SETDB2: variants seen among roughly 807,000 people sequenced by gnomAD.
The protein encoded by SETDB2 is SET domain bifurcated histone lysine methyltransferase 2.
Under a neutral mutation model 82.5 loss-of-function variants are expected in SETDB2, and 56 were observed. The observed-to-expected ratio is 0.68, with a 90% CI of 0.55 to 0.85. SETDB2 has a LOEUF of 0.85. Among genes scored for constraint, SETDB2 ranks in the 40% least tolerant of loss-of-function variants. The pLI is 0.00. For missense variants in SETDB2, 677 were observed against 816.4 expected (o/e 0.83, Z 2.08); for synonymous variants, 272 against 284.9 (o/e 0.95, Z 0.46).
chr13:49,480,361 A>T, intron 7 of SETDB2, 26 bp downstream of exon 7: 1 of 1,433,392 alleles, frequency 7.0e-7, no homozygotes, highest in Admixed American at 2.1e-5. Flanking sequence ...GATTTGTTGC[A>T]GGGTGTGTAT....
rs1187580030 is a variant in SETDB2, at chr13:49,476,846, A to G, written c.676A>G (p.Lys226Glu). The G allele has an allele frequency of 6.2e-7, 1 of 1,614,128 alleles. No individual in the cohort carries two copies. The highest frequency in any genetic ancestry group is 1.7e-5 in the Admixed American group (1 of 60,008). Reference protein sequence around the residue: ...VQLARNYPKQKEVVSDVDISN... With the variant: ...VQLARNYPKQEEVVSDVDISN... ...GTTGGCTCGGAATTACCCAAAGCAAAAAGAAGTTGTTTCTGATGTGGATAT... is the reference window on the plus strand; with the variant it reads ...GTTGGCTCGGAATTACCCAAAGCAAGAAGAAGTTGTTTCTGATGTGGATAT... Residue 226 changes from lysine to glutamate, a missense_variant, in exon 6 of 14, where the codon AAA becomes GAA. By Grantham distance (56) the Lys-to-Glu change is moderately conservative. Coordinates refer to ENST00000611815, the MANE Select transcript of SETDB2 (RefSeq NM_001160308.3).
At chr13:49,490,761 A>G (rs1958695954) in intron 12 of SETDB2, 61 bp from the exon 13 acceptor site, 1 of 1,258,030 alleles carries the variant, frequency 7.9e-7, no homozygotes. Flanking sequence ...TTCTAATGCA[A>G]AAGCACAAGG....
At chr13:49,468,639 T>TTTTTTTTTGAGA in intron 5 of SETDB2, among the ~76,000 whole-genome samples, 1 of 149,354 alleles carries the variant, frequency 6.7e-6, no homozygotes, top group East Asian at 2.0e-4. Context: ...ATTTGTTCTT[T>TTTTTTTTTGAGA]CAGCTTAATA....
chr13:49,463,724 C>T (rs1488324165), intron 4 of SETDB2, among the ~76,000 whole-genome samples: 4 of 151,644 alleles, frequency 2.6e-5, no homozygotes, highest in Admixed American at 6.6e-5. Flanking sequence ...GACCTTCACT[C>T]CACCACTGCT....
chr13:49,459,368 A>G (rs778563048), intron 2 of SETDB2, among the ~76,000 whole-genome samples: 1 of 152,166 alleles, frequency 6.6e-6, no homozygotes, highest in Non-Finnish European at 1.5e-5. Context: ...ACCTTTCTAA[A>G]ATGCAATTAT....
chr13:49,453,168 A>G (rs1298726231), intron 2 of SETDB2, among the ~76,000 whole-genome samples: 5 of 152,098 alleles, frequency 3.3e-5, no homozygotes, highest in African/African-American at 9.7e-5. Context: ...TCAGTTAATC[A>G]TTTATATCAG....
chr13:49,453,488 G>A lies in SETDB2; in HGVS notation c.16+1579G>A, dbSNP rs142731987. Among the ~76,000 whole-genome samples the A allele has an allele frequency of 4.0e-3, 614 of 151,946 alleles. 1 individual carries two copies. The highest frequency in any genetic ancestry group is 6.3e-3 in the Non-Finnish European group (428 of 67,910). ...ATTTTTGTATTTTTAGTAGAGATGG[G>A]GGTTTCACCATATTGGCCAGGCTGG... On this transcript the variant is annotated intron_variant, in intron 2 of 13. Transcript: ENST00000611815.
At chr13:49,482,488 T>C in intron 8 of SETDB2, 1 of 307,734 alleles carries the variant, frequency 3.2e-6, no homozygotes. Flanking sequence ...TAGCTAAATC[T>C]CTTCTCTTTT....
At chr13:49,466,463 C>T (rs1030358123) in intron 4 of SETDB2, among the ~76,000 whole-genome samples, 2 of 151,148 alleles carry the variant, frequency 1.3e-5, no homozygotes, top group Non-Finnish European at 2.9e-5. Context: ...AATGTGGAGT[C>T]TAGTTAATGT....
At chr13:49,458,521 G>A (rs1957934558) in intron 2 of SETDB2, among the ~76,000 whole-genome samples, 2 of 152,044 alleles carry the variant, frequency 1.3e-5, no homozygotes, top group African/African-American at 4.8e-5. Flanking sequence ...TACTCTCCTG[G>A]GTTTCTCTTC....
chr13:49,468,720 CTG>C (rs767040964), intron 5 of SETDB2, among the ~76,000 whole-genome samples: 2 of 151,682 alleles, frequency 1.3e-5, no homozygotes, highest in Non-Finnish European at 2.9e-5. Context: ...TAGATAGACA[CTG>C]TTTCATATAA....
At chr13:49,482,034 C>T (rs1958489295) in intron 8 of SETDB2, 5 of 984,850 alleles carry the variant, frequency 5.1e-6, no homozygotes, top group Non-Finnish European at 4.8e-6. Context: ...TTTACAGATC[C>T]ACATTCTACA....
chr13:49,463,211 A>G (rs2138869226), intron 4 of SETDB2, among the ~76,000 whole-genome samples: 1 of 151,664 alleles, frequency 6.6e-6, no homozygotes, highest in South Asian at 2.1e-4. Context: ...GGGTTTCACC[A>G]TGTTGCCCAG....
Position 49,485,633 on chromosome 13 carries a change from T to G in SETDB2, c.1486T>G (p.Phe496Val). ...ACATCTTCCTTGTTTTTTTAAGGAA[T>G]TTGTTTCCTCGGAGTCTGTCACTCC... ...IFQHNGKKME[F>V]VSSESVTPED... Residue 496 changes from phenylalanine (F) to valine (V), a missense_variant, in exon 11 of 14, where the codon TTT (phenylalanine) becomes GTT (valine). Phe to Val is a conservative substitution (Grantham distance 50, BLOSUM62 -1). Transcript: ENST00000611815. 1 of 1,610,312 alleles carries G rather than the reference T, an allele frequency of 6.2e-7. No individual in the cohort carries two copies. Among genetic ancestry groups the G allele is most frequent in the Middle Eastern group, 1.7e-4 (1 of 6,024 alleles).
intron 2 of SETDB2, among the ~76,000 whole-genome samples, chr13:49,453,948 TTAAGC>T (rs2138829124): frequency 6.6e-6 from 1 of 152,236 alleles, no homozygotes; most frequent in East Asian, 1.9e-4. Context: ...TGTATCTGCC[TTAAGC>T]TAACCATGAA....
At chr13:49,468,009 C>T (rs748365944) in intron 5 of SETDB2, 49 bp downstream of exon 5, 3 of 1,349,128 alleles carry the variant, frequency 2.2e-6, no homozygotes, top group Non-Finnish European at 3.0e-6. Context: ...CTACAGATTT[C>T]TTCTTTATAA....
intron 4 of SETDB2, among the ~76,000 whole-genome samples, chr13:49,466,889 C>T (rs1315645952): frequency 6.7e-6 from 1 of 150,000 alleles, no homozygotes; most frequent in Non-Finnish European, 1.5e-5. Context: ...CTCCTGGCCT[C>T]AAGTAATCTT....
At chr13:49,470,020 G>C (rs949091998) in intron 5 of SETDB2, among the ~76,000 whole-genome samples, 1 of 152,042 alleles carries the variant, frequency 6.6e-6, no homozygotes, top group African/African-American at 2.4e-5. Flanking sequence ...TGGAAACCTC[G>C]GTTCTTACTA....
At chr13:49,461,486 A>G (rs1041736357) in intron 4 of SETDB2, among the ~76,000 whole-genome samples, 1 of 152,228 alleles carries the variant, frequency 6.6e-6, no homozygotes, top group African/African-American at 2.4e-5. Context: ...TCTGTGAAGA[A>G]CAATACTTGA....
Sources: allele counts gnomAD v4.1 joint callset (sites outside exome capture counted in the v4.1 genomes callset), GRCh38; gene constraint gnomAD v4.1.1; transcripts MANE v1.5; gene names NCBI Gene and HGNC (gene_info 2026-07-23, HGNC 2026-07-21).